CAMSAP1: variants seen among roughly 807,000 people sequenced by gnomAD.
The protein encoded by CAMSAP1 is calmodulin regulated spectrin associated protein 1.
In CAMSAP1, 58 loss-of-function variants were observed where a neutral mutation model predicts 143.5. That is an observed-to-expected ratio of 0.40 (90% CI 0.33 to 0.50). CAMSAP1 has a LOEUF of 0.50. Ranked by LOEUF, CAMSAP1 falls within the 20% of genes least tolerant of loss-of-function variation. The pLI is 0.45. For synonymous variants in CAMSAP1, 945 were observed against 859.3 expected (o/e 1.10, Z -1.74); for missense variants, 1,969 against 2,115.7 (o/e 0.93, Z 1.36).
rs951268558 is a variant in CAMSAP1, at chr9:135,820,407, T to C, written c.3822+432A>G. On this transcript the variant is annotated intron_variant, in intron 11 of 16. Coordinates refer to ENST00000389532, the MANE Select transcript of CAMSAP1 (RefSeq NM_015447.4). The surrounding 1 kb of genome is among the most constrained non-coding windows in gnomAD (Gnocchi z 4.4). Reference sequence around the variant, plus strand: ...CAAGAAAAACATACAAAAAATGTTTTTTGAAGTTGCTATATCAGAGGTTGG... The same window carrying C: ...CAAGAAAAACATACAAAAAATGTTTCTTGAAGTTGCTATATCAGAGGTTGG... Among the ~76,000 whole-genome samples, 1 of 152,108 alleles carries C rather than the reference T, an allele frequency of 6.6e-6. No homozygotes were observed. The highest frequency in any genetic ancestry group is 1.5e-5 in the Non-Finnish European group (1 of 68,030).
chr9:135,893,069 C>T (rs1215656412), intron 1 of CAMSAP1, among the ~76,000 whole-genome samples: 1 of 151,626 alleles, frequency 6.6e-6, no homozygotes, highest in Non-Finnish European at 1.5e-5. Context: ...CCTCAAGAAG[C>T]TGCAGCTGGA....
chr9:135,824,861 A>G lies in CAMSAP1; in HGVS notation c.1243T>C (p.Phe415Leu), dbSNP rs767733196. 5 of 1,599,742 alleles carry G rather than the reference A, an allele frequency of 3.1e-6. No individual in the cohort carries two copies. The highest frequency in any genetic ancestry group is 1.7e-4 in the Middle Eastern group (1 of 6,050). Residue 415 changes from phenylalanine (F) to leucine (L), a missense_variant, in exon 9 of 17, where the codon TTC becomes CTC. Phe to Leu is a conservative substitution (Grantham distance 22, BLOSUM62 0). This residue lies in a region of CAMSAP1 where 1,390 missense variants were observed against 1,420.8 expected (regional missense o/e 0.98). Coordinates refer to ENST00000389532, the MANE Select transcript of CAMSAP1 (RefSeq NM_015447.4). This position sits in a 1 kb window ranked among gnomAD's most constrained non-coding sequence, Gnocchi z 4.1. Reference sequence around the variant, plus strand: ...GGCAATAAAGGATGGGATGGGCTGAAGGCAGCAGTTCCTTTCCCGCTAAAT... The same window carrying G: ...GGCAATAAAGGATGGGATGGGCTGAGGGCAGCAGTTCCTTTCCCGCTAAAT... ...PEYLGKGTAAFSPSHPLLPLR... is the reference protein window; with the variant it reads ...PEYLGKGTAALSPSHPLLPLR...
chr9:135,898,478 C>G (rs1461145928), intron 1 of CAMSAP1, among the ~76,000 whole-genome samples: 1 of 151,984 alleles, frequency 6.6e-6, no homozygotes, highest in African/African-American at 2.4e-5. Context: ...GAGCCCATTT[C>G]TACAAAAATA....
intron 3 of CAMSAP1, among the ~76,000 whole-genome samples, chr9:135,878,871 CAAGAAA>C (rs1837838895): frequency 2.6e-5 from 4 of 152,018 alleles, no homozygotes; most frequent in African/African-American, 7.2e-5. Flanking sequence ...ATGGAAATGG[CAAGAAA>C]ACAGTAAAAT....
At chr9:135,831,330 C>T (rs12336440) in intron 7 of CAMSAP1, among the ~76,000 whole-genome samples, 3,080 of 152,092 alleles carry the variant, frequency 0.02, 93 homozygotes, top group African/African-American at 0.07. Context: ...TTGCATGATG[C>T]AGTGTTAACA....
chr9:135,881,864 T>A, intron 2 of CAMSAP1, 70 bp from the exon 3 acceptor site: 1 of 1,520,152 alleles, frequency 6.6e-7, no homozygotes, highest in Non-Finnish European at 8.9e-7. Flanking sequence ...GCAGGGAACC[T>A]GCTCATACTC....
intron 10 of CAMSAP1, 106 bp from the exon 11 acceptor site, chr9:135,823,366 C>T: frequency 3.2e-6 from 4 of 1,231,554 alleles, no homozygotes; most frequent in Non-Finnish European, 4.4e-6. Flanking sequence ...ATACGCCTCT[C>T]ATATGCAGGA....
chr9:135,816,968 G>A (rs1588439254), intron 14 of CAMSAP1, among the ~76,000 whole-genome samples: 2 of 152,154 alleles, frequency 1.3e-5, no homozygotes, highest in Non-Finnish European at 2.9e-5. Context: ...GAGAGGCTGC[G>A]TTGAGAAAGA....
At chr9:135,869,881 C>T (rs558051305) in intron 3 of CAMSAP1, among the ~76,000 whole-genome samples, 101 of 152,264 alleles carry the variant, frequency 6.6e-4, no homozygotes, top group Admixed American at 1.6e-3. Context: ...CCCGCTACAA[C>T]ACAGAAGAAC....
chr9:135,849,926 T>C lies in CAMSAP1; in HGVS notation c.1045+211A>G, dbSNP rs1836713464. ...TCCTGGAACTTTTAGAGTTGTGCAA[T>C]TTTTAGAGCTGTGATTCGTAACCGA... On this transcript the variant is annotated intron_variant, in intron 7 of 16. Transcript: ENST00000389532. 3 of 432,510 alleles carry C rather than the reference T, an allele frequency of 6.9e-6. No homozygotes were observed. In the South Asian group the frequency reaches 1.5e-4, roughly 21 times the overall value. The allele number at this position is 432,510 out of a possible 1,614,324, so 26.8% of individuals were successfully genotyped here. A position where few individuals can be genotyped will look rare whatever the true frequency, so the allele number is the denominator to read the frequency against.
Position 135,850,415 on chromosome 9 carries a change from A to ATTATACC in CAMSAP1, c.854_855insGGTATAA (p.Asn285LysfsTer3). 1 of 1,610,128 alleles carries ATTATACC rather than the reference A, an allele frequency of 6.2e-7. No homozygotes were observed. The highest frequency in any genetic ancestry group is 8.5e-7 in the Non-Finnish European group (1 of 1,178,802). On this transcript the variant is annotated stop_gained and frameshift_variant, in exon 6 of 17. Coordinates refer to ENST00000389532, the MANE Select transcript of CAMSAP1 (RefSeq NM_015447.4). LOFTEE classifies it high-confidence loss of function. ...TGGAGAATTCTCTCAGAAGCCGAAT[A>ATTATACC]TTATACAGACTGTCGGCCATCGACG...
rs1247433330 is a variant in CAMSAP1 at position 135,883,007 on chromosome 9, C to T, written c.232G>A (p.Val78Ile). Reference sequence around the variant, plus strand: ...TCGCTGGACAGGAGAAGCTTGATAACAGGCGGCTTAATGTGCTCCTGCTCA... The same window carrying T: ...TCGCTGGACAGGAGAAGCTTGATAATAGGCGGCTTAATGTGCTCCTGCTCA... ...QYEQEHIKPP[V>I]IKLLLSSELY... The change falls in exon 2 of 17, where the codon GTT becomes ATT. Residue 78 changes from valine (V) to isoleucine (I), a missense_variant. Physicochemically the swap from Val to Ile is conservative, Grantham distance 29. Coordinates refer to ENST00000389532, the MANE Select transcript of CAMSAP1 (RefSeq NM_015447.4). The T allele has an allele frequency of 1.4e-5, 22 of 1,551,728 alleles. No homozygotes were observed. The highest frequency in any genetic ancestry group is 1.7e-5 in the Non-Finnish European group (20 of 1,147,004).
chr9:135,850,077 T>C, intron 7 of CAMSAP1, 60 bp downstream of exon 7: 1 of 1,383,236 alleles, frequency 7.2e-7, no homozygotes, highest in Non-Finnish European at 9.9e-7. Flanking sequence ...GGAGAGTGCT[T>C]TCTGATACTC....
chr9:135,852,334 AG>A (rs1836812266), intron 5 of CAMSAP1, among the ~76,000 whole-genome samples: 1 of 152,186 alleles, frequency 6.6e-6, no homozygotes. Context: ...GTCACAGGAA[AG>A]TTTTACATTT....
chr9:135,902,864 G>A (rs1456415109), intron 1 of CAMSAP1, among the ~76,000 whole-genome samples: 2 of 152,202 alleles, frequency 1.3e-5, no homozygotes, highest in Admixed American at 6.5e-5. Flanking sequence ...TAAGGAGAGG[G>A]GATGAACTGG....
intron 4 of CAMSAP1, among the ~76,000 whole-genome samples, chr9:135,864,936 T>G (rs1837322940): frequency 6.6e-6 from 1 of 152,188 alleles, no homozygotes; most frequent in African/African-American, 2.4e-5. Context: ...ACCACCCAGC[T>G]GATGGCTCCT....
chr9:135,858,534 C>T (rs959812810), intron 5 of CAMSAP1, among the ~76,000 whole-genome samples: 5 of 152,220 alleles, frequency 3.3e-5, no homozygotes, highest in African/African-American at 4.8e-5. Flanking sequence ...GGCTTCCAGG[C>T]ACTCAATCTT....
At chr9:135,847,183 T>TA (rs35715308) in intron 7 of CAMSAP1, among the ~76,000 whole-genome samples, 18,298 of 143,536 alleles carry the variant, frequency 0.13, 1,300 homozygotes, top group East Asian at 0.34. Context: ...CCGTCTCTAC[T>TA]AAAAAAAAAA....
intron 1 of CAMSAP1, among the ~76,000 whole-genome samples, chr9:135,883,525 C>T (rs1838026472): frequency 6.6e-6 from 1 of 152,206 alleles, no homozygotes; most frequent in African/African-American, 2.4e-5. Flanking sequence ...GCAGGGCTGG[C>T]ATCAGCCCGG....
Sources: gnomAD v4.1 joint callset for allele counts (sites outside exome capture counted in the v4.1 genomes callset) on GRCh38, gnomAD v4.1.1 for gene constraint, gnomAD v4.1.1 regional missense constraint, Gnocchi (gnomAD v3.1) non-coding constraint, MANE v1.5 for transcripts, NCBI Gene and HGNC (gene_info 2026-07-23, HGNC 2026-07-21) for gene names.